Variants in SCD5 observed in about 807,000 individuals in gnomAD.
SCD5 encodes acyl-CoA-desaturase 4.
Under a neutral mutation model 30.4 loss-of-function variants are expected in SCD5, and 20 were observed. The ratio of observed to expected loss-of-function variants is 0.66; its 90% CI spans 0.46 to 0.96. The LOEUF (loss-of-function observed/expected upper bound fraction) is 0.96, where lower values mean the gene tolerates loss of function less well. Among genes scored for constraint, SCD5 ranks in the 40% least tolerant of loss-of-function variants. The pLI, the probability that SCD5 is intolerant of heterozygous loss-of-function variation, is 0.00. For synonymous variants in SCD5, 173 were observed against 176.4 expected (o/e 0.98, Z 0.16); for missense variants, 381 against 443.3 (o/e 0.86, Z 1.26).
At chr4:82,754,812 A>T (rs1461403499) in intron 1 of SCD5, among the ~76,000 whole-genome samples, 3 of 152,150 alleles carry the variant, frequency 2.0e-5, no homozygotes, top group Non-Finnish European at 2.9e-5. Flanking sequence ...TAACACTGGG[A>T]TCTGTGAGGC....
At chr4:82,744,659 T>C (rs775289898) in intron 1 of SCD5, among the ~76,000 whole-genome samples, 2 of 152,188 alleles carry the variant, frequency 1.3e-5, no homozygotes, top group South Asian at 2.1e-4. Context: ...GCAGAACTTA[T>C]GTCTGAACTT....
At chr4:82,773,198 G>A (rs1275131456) in intron 1 of SCD5, among the ~76,000 whole-genome samples, 1 of 152,138 alleles carries the variant, frequency 6.6e-6, no homozygotes, top group African/African-American at 2.4e-5. Flanking sequence ...TGTCCTCCCT[G>A]CCTGGGTCCT....
At chr4:82,647,346 CTT>C (rs3046988) in intron 3 of SCD5, among the ~76,000 whole-genome samples, 144,875 of 152,190 alleles carry the variant, frequency 0.95, 69,054 homozygotes, top group East Asian at 1. Flanking sequence ...CTCCAAAACT[CTT>C]TAACAACTCA....
chr4:82,794,689 G>T (rs544500385), intron 1 of SCD5, among the ~76,000 whole-genome samples: 3 of 146,586 alleles, frequency 2.0e-5, no homozygotes, highest in Non-Finnish European at 4.5e-5. Flanking sequence ...TCACTCTGTC[G>T]CCTAGGCTGG....
chr4:82,713,675 G>A (rs1177706912), intron 1 of SCD5, among the ~76,000 whole-genome samples: 1 of 152,162 alleles, frequency 6.6e-6, no homozygotes. Context: ...TGGCATCTGT[G>A]CAACTAACTC....
intron 3 of SCD5, among the ~76,000 whole-genome samples, chr4:82,643,067 A>G (rs1383675682): frequency 6.6e-6 from 1 of 152,202 alleles, no homozygotes; most frequent in Non-Finnish European, 1.5e-5. Context: ...GATAGAGGCC[A>G]ATAAGACTGG....
chr4:82,762,690 A>G (rs552439365), intron 1 of SCD5, among the ~76,000 whole-genome samples: 1 of 152,386 alleles, frequency 6.6e-6, no homozygotes, highest in South Asian at 2.1e-4. Flanking sequence ...GGTGGGTTTG[A>G]GGAAGGGTCC....
chr4:82,679,816 C>T (rs1202375454), intron 3 of SCD5, among the ~76,000 whole-genome samples: 1 of 152,174 alleles, frequency 6.6e-6, no homozygotes, highest in Non-Finnish European at 1.5e-5. Context: ...TGAACAAAGG[C>T]ATAGCCTCCA....
chr4:82,662,872 A>C (rs565602099), intron 3 of SCD5, among the ~76,000 whole-genome samples: 3 of 152,114 alleles, frequency 2.0e-5, no homozygotes, highest in South Asian at 2.1e-4. Context: ...AAAAAAAAAA[A>C]AAAACACACA....
intron 3 of SCD5, among the ~76,000 whole-genome samples, chr4:82,664,989 CTCTCTCTCTCTATA>C (rs1439866633): frequency 3.9e-5 from 4 of 103,256 alleles, no homozygotes; most frequent in African/African-American, 1.5e-4. Context: ...CTCTCTCTCT[CTCTCTCTCTCTATA>C]TATATATATA....
At chr4:82,641,361 G>T (rs1727542227) in intron 3 of SCD5, among the ~76,000 whole-genome samples, 1 of 151,666 alleles carries the variant, frequency 6.6e-6, no homozygotes, top group Non-Finnish European at 1.5e-5. Context: ...GGTATATTCT[G>T]GCAGGGAAGA....
chr4:82,641,706 G>C (rs1442080214), intron 3 of SCD5, among the ~76,000 whole-genome samples: 1 of 152,142 alleles, frequency 6.6e-6, no homozygotes, highest in African/African-American at 2.4e-5. Context: ...CAAGTTTGGA[G>C]GGTCTCATAG....
At chr4:82,770,262 C>A (rs968536539) in intron 1 of SCD5, among the ~76,000 whole-genome samples, 22 of 152,142 alleles carry the variant, frequency 1.4e-4, no homozygotes, top group Non-Finnish European at 7.3e-5. Flanking sequence ...TCAGTTCCCA[C>A]TTATGAGTGA....
intron 3 of SCD5, among the ~76,000 whole-genome samples, chr4:82,662,478 T>C (rs916291153): frequency 4.6e-5 from 7 of 152,170 alleles, no homozygotes; most frequent in African/African-American, 1.7e-4. Flanking sequence ...TTGGCAATTC[T>C]GATTTTAGCT....
chr4:82,735,053 G>A (rs962742521), intron 1 of SCD5, among the ~76,000 whole-genome samples: 1 of 152,170 alleles, frequency 6.6e-6, no homozygotes, highest in African/African-American at 2.4e-5. Context: ...ACAGGTGTGA[G>A]CCACCACGCC....
intron 4 of SCD5, among the ~76,000 whole-genome samples, chr4:82,632,961 C>T (rs1727352620): frequency 1.3e-5 from 2 of 152,180 alleles, no homozygotes; most frequent in African/African-American, 4.8e-5. Context: ...GTGACATGTG[C>T]ATTACCTCAC....
chr4:82,792,912 G>A (rs559904149), intron 1 of SCD5, among the ~76,000 whole-genome samples: 3 of 152,278 alleles, frequency 2.0e-5, no homozygotes, highest in South Asian at 2.1e-4. Context: ...TCACAGTGCC[G>A]TCTGCAGTGA....
At chr4:82,636,488 A>G (rs1414641692) in intron 4 of SCD5, 103 bp downstream of exon 4, 2 of 847,554 alleles carry the variant, frequency 2.4e-6, no homozygotes, top group Non-Finnish European at 1.9e-6. Context: ...ACTGAACTCC[A>G]TTCCACTCCA....
intron 1 of SCD5, among the ~76,000 whole-genome samples, chr4:82,772,988 G>C (rs756335695): frequency 2.3e-4 from 35 of 152,176 alleles, no homozygotes; most frequent in Non-Finnish European, 4.7e-4. Context: ...TTGAGAAGGA[G>C]ACTTAATGGA....
Sources: allele counts gnomAD v4.1 joint callset (sites outside exome capture counted in the v4.1 genomes callset), GRCh38; gene constraint gnomAD v4.1.1; transcripts MANE v1.5; gene names NCBI Gene and HGNC (gene_info 2026-07-23, HGNC 2026-07-21).